SPATS1: variants seen among roughly 807,000 people sequenced by gnomAD.
SPATS1 encodes the protein spermatogenesis-associated serine-rich protein 1.
Under a neutral mutation model 33.6 loss-of-function variants are expected in SPATS1, and 23 were observed. The ratio of observed to expected loss-of-function variants is 0.68; its 90% CI spans 0.49 to 0.97. The LOEUF (loss-of-function observed/expected upper bound fraction) is 0.97. SPATS1 is among the 50% of genes least tolerant of loss of function. The pLI is 0.00. For synonymous variants in SPATS1, 131 were observed against 125.6 expected, an observed-to-expected ratio of 1.04 and a Z score of -0.29; for missense variants, 327 against 361.0, an observed-to-expected ratio of 0.91 and a Z score of 0.76.
intron 2 of SPATS1, among the ~76,000 whole-genome samples, chr6:44,343,708 A>C (rs1787702762): frequency 6.6e-6 from 1 of 152,198 alleles, no homozygotes; most frequent in Non-Finnish European, 1.5e-5. Flanking sequence ...AAATTAAATA[A>C]TGGCTGGTAG....
chr6:44,354,427 T>A (rs1268412801), intron 3 of SPATS1, among the ~76,000 whole-genome samples: 6 of 152,216 alleles, frequency 3.9e-5, no homozygotes, highest in African/African-American at 1.4e-4. Flanking sequence ...ATATTAGTTT[T>A]TTATATGTGC....
intron 7 of SPATS1, among the ~76,000 whole-genome samples, chr6:44,371,144 T>C (rs749388115): frequency 6.6e-6 from 1 of 151,226 alleles, no homozygotes; most frequent in Non-Finnish European, 1.5e-5. Context: ...ATATTTTTTT[T>C]AAAAATTAGC....
intron 2 of SPATS1, among the ~76,000 whole-genome samples, chr6:44,344,495 T>G (rs1318671796): frequency 1.3e-5 from 2 of 151,738 alleles, no homozygotes; most frequent in African/African-American, 4.9e-5. Context: ...AAAAACGGGT[T>G]AAAAACTTCT....
At chr6:44,359,726 T>G (rs182120793) in intron 3 of SPATS1, among the ~76,000 whole-genome samples, 1 of 152,118 alleles carries the variant, frequency 6.6e-6, no homozygotes, top group Admixed American at 6.5e-5. Context: ...TGCACTACCA[T>G]GCCTGGCTAA....
chr6:44,343,387 T>A, intron 2 of SPATS1, 153 bp downstream of exon 2: 1 of 875,858 alleles, frequency 1.1e-6, no homozygotes. Flanking sequence ...GTAGCTTATG[T>A]TTGTGCTAAC....
At chr6:44,349,917 T>C (rs927626027) in intron 2 of SPATS1, among the ~76,000 whole-genome samples, 2 of 152,248 alleles carry the variant, frequency 1.3e-5, no homozygotes, top group African/African-American at 4.8e-5. Flanking sequence ...GTGTGGTCTA[T>C]GTATTGTTGA....
Position 44,360,448 on chromosome 6 carries a change from C to G in SPATS1, c.290C>G (p.Thr97Ser), listed in dbSNP as rs1788845923. The G allele has an allele frequency of 1.2e-6, 2 of 1,614,014 alleles. No homozygotes were observed. The highest frequency in any genetic ancestry group is 1.1e-5 in the South Asian group (1 of 91,082). The change falls in exon 4 of 9, where the codon ACC (threonine) becomes AGC (serine). Residue 97 changes from threonine (T) to serine (S), a missense_variant and splice_region_variant. Transcript: ENST00000674044. ...GAATCCTTCTGCTTTCTTTCCAGCA[C>G]CACTGCTGACTTGGATCGGAAACTC... ...GLPRVSAYVD[T>S]TADLDRKLSF...
At chr6:44,348,207 C>A (rs1007873866) in intron 2 of SPATS1, among the ~76,000 whole-genome samples, 1 of 152,028 alleles carries the variant, frequency 6.6e-6, no homozygotes, top group African/African-American at 2.4e-5. Flanking sequence ...CGGAGTTTCA[C>A]CATGTTGGGC....
At chr6:44,361,392 G>C (rs6935721) in intron 4 of SPATS1, 645,537 of 984,662 alleles carry the variant, frequency 0.66, 216,036 homozygotes, top group Non-Finnish European at 0.69. Flanking sequence ...TATTGTTGCA[G>C]CCAACACCAT....
At chr6:44,342,796 CGGGCCTCCCCT>C (rs1787637682) in intron 1 of SPATS1, 28 bp downstream of exon 1, 1 of 634,480 alleles carries the variant, frequency 1.6e-6, no homozygotes, top group African/African-American at 1.8e-5. Flanking sequence ...AGCACAGACC[CGGGCCTCCCCT>C]GGGGAAGGGG....
intron 6 of SPATS1, among the ~76,000 whole-genome samples, 174 bp downstream of exon 6, chr6:44,368,673 A>T (rs1789394382): frequency 6.6e-6 from 1 of 152,232 alleles, no homozygotes; most frequent in African/African-American, 2.4e-5. Context: ...CATGTGTATA[A>T]TTAAAATTAC....
intron 3 of SPATS1, 114 bp downstream of exon 3, chr6:44,352,987 C>A: frequency 8.5e-7 from 1 of 1,171,002 alleles, no homozygotes. Flanking sequence ...TGGAGCTAGA[C>A]TGTGTGGGTT....
At chr6:44,368,729 A>C (rs1366588332) in intron 6 of SPATS1, among the ~76,000 whole-genome samples, 1 of 152,168 alleles carries the variant, frequency 6.6e-6, no homozygotes, top group Non-Finnish European at 1.5e-5. Flanking sequence ...TTTTGTTCCT[A>C]TCTCTATTAT....
intron 7 of SPATS1, among the ~76,000 whole-genome samples, chr6:44,374,308 GAGTT>G (rs1168389828): frequency 6.6e-6 from 1 of 152,216 alleles, no homozygotes; most frequent in Non-Finnish European, 1.5e-5. Flanking sequence ...TTTGGACTGA[GAGTT>G]AGTGTGAGAG....
chr6:44,357,314 G>A lies in SPATS1; in HGVS notation c.288-3132G>A, dbSNP rs561674245. Among the ~76,000 whole-genome samples the A allele has an allele frequency of 1.7e-4, 26 of 152,230 alleles. No individual in the cohort carries two copies. In the East Asian group the frequency reaches 3.3e-3, roughly 19 times the overall value. On this transcript the variant is annotated intron_variant, in intron 3 of 8. Coordinates refer to ENST00000674044, the MANE Select transcript of SPATS1 (RefSeq NM_001372081.1). ...TGGCTTCCACTGACTTTCCAGTGGC[G>A]TCGTCTATGCTATTCTCCTTTTTCT...
Position 44,361,993 on chromosome 6 carries a change from G to T in SPATS1, c.574+1G>T, listed in dbSNP as rs747773789. ...AAGTGCTTTGGGAGAAAGAAATACG[G>T]TGATGTTTCCTTCTGGGTCTTGACT... On this transcript the variant is annotated splice_donor_variant, in intron 5 of 8. Transcript: ENST00000674044. LOFTEE classifies it high-confidence loss of function. 1 of 1,614,080 alleles carries T rather than the reference G, an allele frequency of 6.2e-7. No homozygotes were observed. Among genetic ancestry groups the T allele is most frequent in the African/African-American group, 1.3e-5 (1 of 74,920 alleles).
chr6:44,363,313 T>A (rs1789037960), intron 5 of SPATS1, among the ~76,000 whole-genome samples: 2 of 151,868 alleles, frequency 1.3e-5, no homozygotes, highest in Non-Finnish European at 2.9e-5. Context: ...CCCGGCTGAT[T>A]TTTCTATTTT....
At chr6:44,358,127 G>A (rs1788699177) in intron 3 of SPATS1, among the ~76,000 whole-genome samples, 1 of 152,136 alleles carries the variant, frequency 6.6e-6, no homozygotes, top group Non-Finnish European at 1.5e-5. Flanking sequence ...TCTGAATCAG[G>A]GGTGGGGGCA....
Position 44,368,419 on chromosome 6 carries a change from C to A in SPATS1, c.615C>A (p.Gly205=), listed in dbSNP as rs770739945. 1 of 1,613,490 alleles carries A rather than the reference C, an allele frequency of 6.2e-7. No individual in the cohort carries two copies. Among genetic ancestry groups the A allele is most frequent in the Non-Finnish European group, 8.5e-7 (1 of 1,179,702 alleles). ...ATGGAATCCCAAAGTTAACTCCAGG[C>A]GACAATCCATATATGTACCCAGAAC... The part of the protein sequence containing the change: ...PRNGIPKLTP[G]DNPYMYPEQS... The change falls in exon 6 of 9, where the codon GGC becomes GGA. Residue 205 remains glycine, a synonymous_variant. Transcript: ENST00000674044.
Sources: allele counts gnomAD v4.1 joint callset (sites outside exome capture counted in the v4.1 genomes callset), GRCh38; gene constraint gnomAD v4.1.1; transcripts MANE v1.5; gene names NCBI Gene and HGNC (gene_info 2026-07-23, HGNC 2026-07-21).